Variants in ZNF792 observed in about 807,000 individuals in gnomAD.
ZNF792 encodes the protein zinc finger protein 792.
Under a neutral mutation model 13.1 loss-of-function variants are expected in ZNF792, and 14 were observed. That is an observed-to-expected ratio of 1.07 (90% CI 0.71 to 1.67). The LOEUF (loss-of-function observed/expected upper bound fraction) is 1.67, where lower values mean the gene tolerates loss of function less well. ZNF792 is among the 40% of genes most tolerant of loss of function. ZNF792 has a pLI of 0.00. For synonymous variants in ZNF792, 257 were observed against 292.0 expected (o/e 0.88, Z 1.22); for missense variants, 740 against 807.9 (o/e 0.92, Z 1.02).
In ZNF792 at chr19:34,959,428, C is replaced by T; in HGVS notation, c.427G>A (p.Asp143Asn). The change falls in exon 4 of 4, where the codon GAC (aspartate) becomes AAC (asparagine). Residue 143 changes from aspartate to asparagine, a missense_variant. Transcript: ENST00000404801. Reference protein sequence around the residue: ...PCDICGLRLKDILHLAEHQTT... With the variant: ...PCDICGLRLKNILHLAEHQTT... ...TGGTGTTCAGCCAAATGCAAAATGT[C>T]TTTCAAACGTAGGCCACATATGTCA... The T allele has an allele frequency of 6.2e-7, 1 of 1,614,158 alleles. No individual in the cohort carries two copies. Among genetic ancestry groups the T allele is most frequent in the Non-Finnish European group, 8.5e-7 (1 of 1,180,006 alleles).
intron 1 of ZNF792, among the ~76,000 whole-genome samples, chr19:34,962,770 C>T (rs1336147520): frequency 2.0e-5 from 3 of 152,088 alleles, no homozygotes; most frequent in African/African-American, 4.8e-5. Flanking sequence ...TCAGAACACC[C>T]GAACTGTGTG....
At chr19:34,963,549 C>T (rs1028987273) in intron 1 of ZNF792, 81 bp downstream of exon 1, 20 of 1,549,762 alleles carry the variant, frequency 1.3e-5, no homozygotes, top group Non-Finnish European at 1.7e-5. Flanking sequence ...AGTCCTAGAA[C>T]AAAGCCATCT....
Position 34,958,307 on chromosome 19 carries a change from G to T in ZNF792, c.1548C>A (p.Asn516Lys). ...YQCSECGKFF[N>K]QSSSLNNHRR... The stretch of plus-strand genomic sequence containing the variant: ...GGTGGTTATTGAGGCTGGAGCTTTG[G>T]TTAAAGAATTTCCCACATTCACTGC... Residue 516 changes from asparagine to lysine, a missense_variant, in exon 4 of 4, where the codon AAC (asparagine) becomes AAA (lysine). Transcript: ENST00000404801. The T allele has an allele frequency of 1.2e-6, 2 of 1,613,536 alleles. No homozygotes were observed. The highest frequency in any genetic ancestry group is 1.7e-6 in the Non-Finnish European group (2 of 1,179,656).
chr19:34,957,824 CTCTT>C lies in ZNF792; in HGVS notation c.*128_*131del, dbSNP rs2013454199. ...TGAGCACAGTGGAGTGGTGGACACA[CTCTT>C]TGGAGAGCTGCAGTGTGTGGTGCTG... On this transcript the variant is annotated 3_prime_UTR_variant, in exon 4 of 4. Transcript: ENST00000404801. 2.3e-6 allele frequency: 2 copies of C among 884,760 alleles called. No homozygotes were observed. The highest frequency in any genetic ancestry group is 3.4e-5 in the African/African-American group (2 of 58,896). 54.8% of individuals were successfully genotyped at this position (884,760 alleles called of 1,614,324 possible).
Position 34,957,929 on chromosome 19 carries a change from A to G in ZNF792, c.*27T>C. ...CAGTAAGAGAATGTAACTTGTCTCC[A>G]GAAAGCTTCCAACACAGCTAGCATT... On this transcript the variant is annotated 3_prime_UTR_variant, in exon 4 of 4. Coordinates refer to ENST00000404801, the MANE Select transcript of ZNF792 (RefSeq NM_175872.5). 2 of 1,555,674 alleles carry G rather than the reference A, an allele frequency of 1.3e-6. No homozygotes were observed. Among genetic ancestry groups the G allele is most frequent in the Non-Finnish European group, 1.7e-6 (2 of 1,152,178 alleles).
chr19:34,960,441 T>A, intron 2 of ZNF792, 84 bp from the exon 3 acceptor site: 2 of 1,527,742 alleles, frequency 1.3e-6, no homozygotes, highest in Non-Finnish European at 1.8e-6. Context: ...GGAAGCTCCG[T>A]ATGACACAGG....
chr19:34,963,434 C>T (rs1248597274), intron 1 of ZNF792, among the ~76,000 whole-genome samples, 196 bp downstream of exon 1: 1 of 152,048 alleles, frequency 6.6e-6, no homozygotes, highest in Non-Finnish European at 1.5e-5. Flanking sequence ...ATTTCAGCAA[C>T]GGAAGCCACT....
At chr19:34,962,472 A>T (rs2151683286) in intron 1 of ZNF792, among the ~76,000 whole-genome samples, 1 of 152,290 alleles carries the variant, frequency 6.6e-6, no homozygotes, top group Middle Eastern at 3.4e-3. Context: ...TTAAATCAGA[A>T]GCAGGAGCAA....
chr19:34,958,323 C>T lies in ZNF792; in HGVS notation c.1532G>A (p.Cys511Tyr), dbSNP rs1313708700. 5.6e-6 allele frequency: 9 copies of T among 1,613,240 alleles called. No homozygotes were observed. Among genetic ancestry groups the T allele is most frequent in the South Asian group, 3.3e-5 (3 of 90,992 alleles). ...GGAGCTTTGGTTAAAGAATTTCCCA[C>T]ATTCACTGCACTGGTAAGGCCGTTC... is the stretch of plus-strand genomic sequence containing the variant. Reference protein sequence around the residue: ...TGERPYQCSECGKFFNQSSSL... With the variant: ...TGERPYQCSEYGKFFNQSSSL... The change falls in exon 4 of 4, where the codon TGT (cysteine) becomes TAT (tyrosine). Residue 511 changes from cysteine to tyrosine, a missense_variant. By Grantham distance (194) the Cys-to-Tyr change is radical. Coordinates refer to ENST00000404801, the MANE Select transcript of ZNF792 (RefSeq NM_175872.5).
At position 34,963,899 on chromosome 19, in the gene ZNF792, G is replaced by C; in HGVS notation, c.-237C>G. On this transcript the variant is annotated 5_prime_UTR_variant, in exon 1 of 4. Coordinates refer to ENST00000404801, the MANE Select transcript of ZNF792 (RefSeq NM_175872.5). ...TCCGCTGGGTACCCCCGTTGCAAGG[G>C]GTCACGGCTGGTGCAAAGGCGCGGA... 3.8e-6 allele frequency: 2 copies of C among 521,356 alleles called. No individual in the cohort carries two copies. The highest frequency in any genetic ancestry group is 3.3e-6 in the Non-Finnish European group (1 of 299,544). The allele number at this position is 521,356 out of a possible 1,614,324, so 32.3% of individuals were successfully genotyped here.
rs1401422615 is a variant in ZNF792 at position 34,959,020 on chromosome 19, C to G, written c.835G>C (p.Glu279Gln). The change falls in exon 4 of 4, where the codon GAA (glutamate) becomes CAA (glutamine). Residue 279 changes from glutamate (E) to glutamine (Q), a missense_variant. Physicochemically the swap from Glu to Gln is conservative, Grantham distance 29 (BLOSUM62 2). Coordinates refer to ENST00000404801, the MANE Select transcript of ZNF792 (RefSeq NM_175872.5). ...LVQHQRIHSR[E>Q]RPYECSKCGI... ...CATTTGCTGCATTCATAAGGCCTTT[C>G]TCTGCTGTGGATTCTCTGGTGCTGA... is the stretch of plus-strand genomic sequence containing the variant. The G allele has an allele frequency of 1.2e-6, 2 of 1,614,134 alleles. No homozygotes were observed. The highest frequency in any genetic ancestry group is 1.7e-6 in the Non-Finnish European group (2 of 1,179,960).
chr19:34,958,829 G>T lies in ZNF792; in HGVS notation c.1026C>A (p.Asp342Glu). Residue 342 changes from aspartate to glutamate, a missense_variant, in exon 4 of 4, where the codon GAC becomes GAA. Transcript: ENST00000404801. Reference sequence around the variant, plus strand: ...AGCTTCGGCTGAAGAATTTCCCACAGTCACCACACACGTGAGGGCTTTCAC... The same window carrying T: ...AGCTTCGGCTGAAGAATTTCCCACATTCACCACACACGTGAGGGCTTTCAC... ...HTGESPHVCG[D>E]CGKFFSRSSN... 6.2e-7 allele frequency: 1 copy of T among 1,612,380 alleles called. No homozygotes were observed. Among genetic ancestry groups the T allele is most frequent in the South Asian group, 1.1e-5 (1 of 90,940 alleles).
At chr19:34,961,139 T>A in intron 1 of ZNF792, 145 bp from the exon 2 acceptor site, 14 of 1,197,374 alleles carry the variant, frequency 1.2e-5, no homozygotes, top group Non-Finnish European at 1.6e-5. Flanking sequence ...GACCACTGTG[T>A]CAGCCCGCAG....
At chr19:34,960,414 T>C (rs1480237352) in intron 2 of ZNF792, 57 bp from the exon 3 acceptor site, 2 of 1,590,882 alleles carry the variant, frequency 1.3e-6, no homozygotes, top group Non-Finnish European at 8.5e-7. Flanking sequence ...AACTACCCCA[T>C]GATAGACTAC....
rs1353992010 is a variant in ZNF792, at chr19:34,958,940, A to G, written c.915T>C (p.Asn305=). Residue 305 remains asparagine (N), a synonymous_variant, in exon 4 of 4, where the codon AAT becomes AAC. Coordinates refer to ENST00000404801, the MANE Select transcript of ZNF792 (RefSeq NM_175872.5). ...ADLTQHQKVH[N]RGKPYECCEC... ...CACAGCACTCATACGGTTTTCCTCT[A>G]TTGTGAACTTTCTGGTGTTGAGTGA... 30 of 1,613,952 alleles carry G rather than the reference A, an allele frequency of 1.9e-5. No homozygotes were observed. The highest frequency in any genetic ancestry group is 2.4e-5 in the Non-Finnish European group (28 of 1,179,948).
chr19:34,958,432 C>T lies in ZNF792; in HGVS notation c.1423G>A (p.Glu475Lys). Reference protein sequence around the residue: ...LMKHQRVHTGERPYECNECGK... With the variant: ...LMKHQRVHTGKRPYECNECGK... ...CATTCATTGCATTCATAAGGCCGCT[C>T]ACCAGTGTGAACTCGCTGATGTTTC... Residue 475 changes from glutamate (E) to lysine (K), a missense_variant, in exon 4 of 4, where the codon GAG becomes AAG. By Grantham distance (56) the Glu-to-Lys change is moderately conservative. Transcript: ENST00000404801. 1 of 1,611,812 alleles carries T rather than the reference C, an allele frequency of 6.2e-7. No homozygotes were observed.
Position 34,959,462 on chromosome 19 carries a change from G to A in ZNF792, c.393C>T (p.Thr131=), listed in dbSNP as rs1405775147. The change falls in exon 4 of 4, where the codon ACC becomes ACT. Residue 131 remains threonine (T), a synonymous_variant. Coordinates refer to ENST00000404801, the MANE Select transcript of ZNF792 (RefSeq NM_175872.5). ...SPEATLCPQK[T]CPCDICGLRL... ...GTAGGCCACATATGTCACAGGGGCAGGTCTTCTGGGGGCACAGAGTTGCCT... is the reference window on the plus strand; with the variant it reads ...GTAGGCCACATATGTCACAGGGGCAAGTCTTCTGGGGGCACAGAGTTGCCT... 4.3e-6 allele frequency: 7 copies of A among 1,613,664 alleles called. No homozygotes were observed. The highest frequency in any genetic ancestry group is 1.3e-5 in the African/African-American group (1 of 74,924).
Position 34,958,495 on chromosome 19 carries a change from C to T in ZNF792, c.1360G>A (p.Glu454Lys), listed in dbSNP as rs757232814. 10 of 1,595,252 alleles carry T rather than the reference C, an allele frequency of 6.3e-6. No individual in the cohort carries two copies. The highest frequency in any genetic ancestry group is 2.6e-6 in the Non-Finnish European group (3 of 1,169,580). The part of the protein sequence containing the change: ...HTGERPHGCG[E>K]CGKAFSRSSD... ...CTTCGGCTGAAGGCTTTCCCACACT[C>T]ACCACACCCGTGAGGCCGCTCGCCA... Residue 454 changes from glutamate (E) to lysine (K), a missense_variant, in exon 4 of 4, where the codon GAG becomes AAG. By Grantham distance (56) the Glu-to-Lys change is moderately conservative. Transcript: ENST00000404801.
chr19:34,961,166 G>A (rs535153126), intron 1 of ZNF792, among the ~76,000 whole-genome samples, 172 bp from the exon 2 acceptor site: 1 of 152,126 alleles, frequency 6.6e-6, no homozygotes, highest in African/African-American at 2.4e-5. Flanking sequence ...CAGGCAGGGT[G>A]CAGAGAGGCA....
Sources: allele counts gnomAD v4.1 joint callset (sites outside exome capture counted in the v4.1 genomes callset), GRCh38; gene constraint gnomAD v4.1.1; transcripts MANE v1.5; gene names NCBI Gene and HGNC (gene_info 2026-07-23, HGNC 2026-07-21).